KIF3B: variants seen among roughly 807,000 people sequenced by gnomAD.
KIF3B encodes the protein kinesin family member 3B, also known as kinesin-like protein KIF3B.
A neutral mutation model predicts 74.3 loss-of-function variants in KIF3B; 38 were observed. That is an observed-to-expected ratio of 0.51 (90% CI 0.39 to 0.67). KIF3B has a LOEUF of 0.67. KIF3B is among the 30% of genes least tolerant of loss of function. The probability of loss-of-function intolerance (pLI) is 0.00; values close to 1 mark genes in which losing one functional copy is unlikely to be tolerated. For synonymous variants in KIF3B, 326 were observed against 342.5 expected, an observed-to-expected ratio of 0.95 and a Z score of 0.53; for missense variants, 649 against 932.0, an observed-to-expected ratio of 0.70 and a Z score of 3.95.
At chr20:32,298,611 C>A (rs2047727315) in intron 1 of KIF3B, among the ~76,000 whole-genome samples, 2 of 152,068 alleles carry the variant, frequency 1.3e-5, no homozygotes, top group African/African-American at 4.8e-5. Flanking sequence ...TTCCCATTGC[C>A]CAGTTTGGGC....
At chr20:32,291,375 T>C (rs1019855827) in intron 1 of KIF3B, among the ~76,000 whole-genome samples, 4 of 152,096 alleles carry the variant, frequency 2.6e-5, no homozygotes, top group Admixed American at 2.6e-4. Context: ...TAATGAATCA[T>C]GAACCCATTA....
rs1011662180 is a variant in KIF3B at position 32,333,944 on chromosome 20, T to C, written c.*2625T>C. On this transcript the variant is annotated 3_prime_UTR_variant, in exon 9 of 9. Transcript: ENST00000375712. ...TTTGAATAGAGCAGATTGTAGAATG[T>C]CGTGCTGTCACCAGAAAGCTGCTGT... 2.6e-5 allele frequency: 4 copies of C among 152,590 alleles called. No individual in the cohort carries two copies. Among genetic ancestry groups the C allele is most frequent in the African/African-American group, 9.7e-5 (4 of 41,440 alleles). 9.5% of individuals were successfully genotyped at this position (152,590 alleles called of 1,614,324 possible).
At chr20:32,296,878 G>A (rs1359704197) in intron 1 of KIF3B, among the ~76,000 whole-genome samples, 1 of 152,052 alleles carries the variant, frequency 6.6e-6, no homozygotes, top group East Asian at 1.9e-4. Context: ...TGTGAAACTG[G>A]CCATCATAGG....
At chr20:32,303,559 C>T (rs887924352) in intron 1 of KIF3B, among the ~76,000 whole-genome samples, 3 of 143,778 alleles carry the variant, frequency 2.1e-5, no homozygotes, top group East Asian at 2.0e-4. Flanking sequence ...AGCGAGACTC[C>T]GTTAAAAAAA....
chr20:32,314,007 T>C (rs1370554908), intron 2 of KIF3B, among the ~76,000 whole-genome samples: 1 of 151,864 alleles, frequency 6.6e-6, no homozygotes, highest in Non-Finnish European at 1.5e-5. Context: ...CGCACCCTTA[T>C]GTCCGGCCTG....
At chr20:32,305,979 G>A (rs1332036682) in intron 1 of KIF3B, among the ~76,000 whole-genome samples, 1 of 151,338 alleles carries the variant, frequency 6.6e-6, no homozygotes, top group Non-Finnish European at 1.5e-5. Context: ...CTAACTATTC[G>A]GGAGGCTGAG....
chr20:32,310,640 C>G lies in KIF3B; in HGVS notation c.863C>G (p.Thr288Ser), dbSNP rs754650182. 6.2e-7 allele frequency: 1 copy of G among 1,614,130 alleles called. No individual in the cohort carries two copies. The highest frequency in any genetic ancestry group is 1.7e-5 in the Admixed American group (1 of 60,012). The change falls in exon 2 of 9, where the codon ACT becomes AGT. Residue 288 changes from threonine to serine, a missense_variant. Transcript: ENST00000375712. The surrounding 1 kb of genome is among the most constrained non-coding windows in gnomAD (Gnocchi z 6.5). The stretch of plus-strand genomic sequence containing the variant: ...TCTGCTCTAGTGGACGGCAAAAGCA[C>G]TCACATTCCATATCGGGACTCAAAG... ...VISALVDGKS[T>S]HIPYRDSKLT...
At chr20:32,316,971 T>C in intron 5 of KIF3B, 97 bp downstream of exon 5, 1 of 923,664 alleles carries the variant, frequency 1.1e-6, no homozygotes. Flanking sequence ...CTTGGTGGCC[T>C]ACGCCTGTAA....
At chr20:32,287,022 G>T (rs1481851792) in intron 1 of KIF3B, among the ~76,000 whole-genome samples, 1 of 152,058 alleles carries the variant, frequency 6.6e-6, no homozygotes, top group Non-Finnish European at 1.5e-5. Flanking sequence ...CCATGGTGAT[G>T]GTATCCTAAC....
intron 1 of KIF3B, among the ~76,000 whole-genome samples, chr20:32,290,041 C>G (rs754233724): frequency 4.6e-5 from 7 of 152,050 alleles, no homozygotes; most frequent in Admixed American, 6.6e-5. Flanking sequence ...AGTGATATTC[C>G]CATTTTACAG....
Position 32,331,151 on chromosome 20 carries a change from T to C in KIF3B, c.2148-72T>C, listed in dbSNP as rs115369186. 1,573 of 1,067,522 alleles carry C rather than the reference T, an allele frequency of 1.5e-3. 20 individuals carry two copies. In the African/African-American group the frequency reaches 0.022, roughly 15 times the overall value. 66.1% of individuals were successfully genotyped at this position (1,067,522 alleles called of 1,614,324 possible). ...CATTGAAGAATGGCCTGAAATGAAA[T>C]GTTAATGACATCTGATGTGTCAGGG... On this transcript the variant is annotated intron_variant, in intron 8 of 8. Transcript: ENST00000375712.
At chr20:32,302,409 T>C (rs2047748508) in intron 1 of KIF3B, among the ~76,000 whole-genome samples, 1 of 152,236 alleles carries the variant, frequency 6.6e-6, no homozygotes, top group Non-Finnish European at 1.5e-5. Flanking sequence ...TTAAGATTAA[T>C]GTAGGTCATT....
At chr20:32,281,801 G>T (rs2047644355) in intron 1 of KIF3B, among the ~76,000 whole-genome samples, 1 of 152,184 alleles carries the variant, frequency 6.6e-6, no homozygotes, top group African/African-American at 2.4e-5. Context: ...TTGCTCCCAG[G>T]GACGGGCCAG....
intron 1 of KIF3B, among the ~76,000 whole-genome samples, chr20:32,280,714 CAAAAAAAAA>C (rs34366324): frequency 7.8e-5 from 4 of 51,346 alleles, no homozygotes; most frequent in African/African-American, 1.5e-4. Flanking sequence ...GACTCCGTCT[CAAAAAAAAA>C]AAAAAAAAAA....
intron 1 of KIF3B, among the ~76,000 whole-genome samples, chr20:32,299,825 G>T (rs1341250341): frequency 6.6e-6 from 1 of 152,030 alleles, no homozygotes; most frequent in Admixed American, 6.6e-5. Flanking sequence ...GTCTTCCTCT[G>T]TGACTCAGGC....
At chr20:32,314,961 T>C (rs756648372) in intron 2 of KIF3B, among the ~76,000 whole-genome samples, 3 of 152,152 alleles carry the variant, frequency 2.0e-5, no homozygotes, top group Admixed American at 1.3e-4. Flanking sequence ...CTGGGAGTTA[T>C]CCTTGCCAGC....
chr20:32,319,582 G>GTTTTTTTTTTTTTTTTTTT (rs34028388), intron 5 of KIF3B, among the ~76,000 whole-genome samples: 1 of 92,020 alleles, frequency 1.1e-5, no homozygotes, highest in East Asian at 4.0e-4. Flanking sequence ...TTTTGTTTTT[G>GTTTTTTTTTTTTTTTTTTT]TTTTTTTTTT....
chr20:32,330,177 A>G lies in KIF3B; in HGVS notation c.2005A>G (p.Ser669Gly). The change falls in exon 8 of 9, where the codon AGC becomes GGC. Residue 669 changes from serine (S) to glycine (G), a missense_variant. By Grantham distance (56) the Ser-to-Gly change is moderately conservative (BLOSUM62 0). Around this residue, in one of 4 missense-constraint regions of KIF3B, gnomAD observed 186 missense variants for 198.5 expected, o/e 0.94. Transcript: ENST00000375712. ...NIVLLELDMP[S>G]RTTRDYEGPA... ...TGTGCTGTTAGAGCTGGACATGCCC[A>G]GCCGGACCACCAGAGACTATGAGGG... The G allele has an allele frequency of 6.2e-7, 1 of 1,614,086 alleles. No individual in the cohort carries two copies. Among genetic ancestry groups the G allele is most frequent in the Non-Finnish European group, 8.5e-7 (1 of 1,179,988 alleles).
chr20:32,296,701 AC>A (rs1369514862), intron 1 of KIF3B, among the ~76,000 whole-genome samples: 1 of 152,204 alleles, frequency 6.6e-6, no homozygotes, highest in African/African-American at 2.4e-5. Flanking sequence ...GGCAATTGTT[AC>A]ATGGTTCTTG....
Sources: allele counts gnomAD v4.1 joint callset (sites outside exome capture counted in the v4.1 genomes callset), GRCh38; gene constraint gnomAD v4.1.1; regional missense constraint gnomAD v4.1.1; non-coding constraint Gnocchi (gnomAD v3.1); transcripts MANE v1.5; gene names NCBI Gene and HGNC (gene_info 2026-07-23, HGNC 2026-07-21).